ECHDC3: variants seen among roughly 807,000 people sequenced by gnomAD.
ECHDC3 encodes the protein enoyl-CoA hydratase domain containing 3.
Under a neutral mutation model 17.9 loss-of-function variants are expected in ECHDC3, and 20 were observed. The ratio of observed to expected loss-of-function variants is 1.12; its 90% CI spans 0.79 to 1.63. ECHDC3 has a LOEUF of 1.63. ECHDC3 is among the 40% of genes most tolerant of loss of function. The pLI is 0.00. For missense variants in ECHDC3, 407 were observed against 357.7 expected, an observed-to-expected ratio of 1.14 and a Z score of -1.11; for synonymous variants, 177 against 149.7, an observed-to-expected ratio of 1.18 and a Z score of -1.33.
chr10:11,751,600 C>CTAAAAACTA (rs2133790270), intron 3 of ECHDC3, among the ~76,000 whole-genome samples: 1 of 152,270 alleles, frequency 6.6e-6, no homozygotes, highest in East Asian at 1.9e-4. Flanking sequence ...AGCTAAGCAT[C>CTAAAAACTA]TAAAAACTAT....
rs552808690 is a variant in ECHDC3, at chr10:11,745,445, G to A, written c.171-1904G>A. On this transcript the variant is annotated intron_variant, in intron 1 of 4. Transcript: ENST00000379215. The stretch of plus-strand genomic sequence containing the variant: ...CTCCCACCACCCCCACCAAATATAA[G>A]TTTTGAAGTCTATCAGCAAATCAGT... Among the ~76,000 whole-genome samples, 9 of 152,296 alleles carry A rather than the reference G, an allele frequency of 5.9e-5. 1 individual carries two copies. The highest frequency in any genetic ancestry group is 1.9e-4 in the African/African-American group (8 of 41,556).
intron 4 of ECHDC3, among the ~76,000 whole-genome samples, chr10:11,757,887 C>A (rs1832901088): frequency 6.6e-6 from 1 of 152,188 alleles, no homozygotes; most frequent in African/African-American, 2.4e-5. Context: ...ATCTAATAAA[C>A]CTGACCCAAA....
intron 4 of ECHDC3, among the ~76,000 whole-genome samples, chr10:11,758,414 T>G (rs576594929): frequency 3.9e-5 from 6 of 152,266 alleles, no homozygotes; most frequent in African/African-American, 1.4e-4. Flanking sequence ...AGAACAGTCA[T>G]TTTCTTGAGG....
chr10:11,750,521 G>C (rs766504925), intron 3 of ECHDC3, among the ~76,000 whole-genome samples: 1 of 152,164 alleles, frequency 6.6e-6, no homozygotes, highest in South Asian at 2.1e-4. Context: ...AGGCACAAAA[G>C]TTTTGGATGA....
intron 4 of ECHDC3, among the ~76,000 whole-genome samples, chr10:11,760,066 C>T (rs1832930435): frequency 6.6e-6 from 1 of 152,226 alleles, no homozygotes; most frequent in African/African-American, 2.4e-5. Flanking sequence ...CAAGCAAAAT[C>T]TTCATAGTGA....
At chr10:11,751,754 A>G (rs1832827231) in intron 3 of ECHDC3, among the ~76,000 whole-genome samples, 1 of 152,246 alleles carries the variant, frequency 6.6e-6, no homozygotes, top group Non-Finnish European at 1.5e-5. Context: ...CGCTCAGGTT[A>G]GAGACTTCTT....
At chr10:11,755,101 A>G (rs1832869727) in intron 3 of ECHDC3, among the ~76,000 whole-genome samples, 1 of 152,156 alleles carries the variant, frequency 6.6e-6, no homozygotes, top group South Asian at 2.1e-4. Context: ...TGGGTGGATC[A>G]TTTGAGGTCA....
chr10:11,759,409 C>A (rs983527156), intron 4 of ECHDC3, among the ~76,000 whole-genome samples: 4 of 151,146 alleles, frequency 2.6e-5, no homozygotes, highest in Non-Finnish European at 5.9e-5. Flanking sequence ...AGCTGCCTTA[C>A]CCCCTTTTTC....
At chr10:11,743,494 C>G (rs1468513573) in intron 1 of ECHDC3, among the ~76,000 whole-genome samples, 1 of 152,224 alleles carries the variant, frequency 6.6e-6, no homozygotes. Context: ...CTTTTCTCCT[C>G]ACCCTCCTCT....
At chr10:11,761,362 C>G (rs971779245) in intron 4 of ECHDC3, among the ~76,000 whole-genome samples, 19 of 152,102 alleles carry the variant, frequency 1.2e-4, no homozygotes, top group Admixed American at 9.8e-4. Context: ...ACAGGACAGC[C>G]CCCACCCTCC....
intron 1 of ECHDC3, 160 bp downstream of exon 1, chr10:11,742,906 G>A: frequency 2.3e-6 from 2 of 871,170 alleles, no homozygotes; most frequent in Non-Finnish European, 3.0e-6. Context: ...AGACGCGCAG[G>A]TGGGATTGTA....
rs1832706251 is a variant in ECHDC3, at chr10:11,742,588, C to A, written c.12C>A (p.Val4=). 1.6e-6 allele frequency: 2 copies of A among 1,288,714 alleles called. No individual in the cohort carries two copies. The highest frequency in any genetic ancestry group is 1.5e-5 in the African/African-American group (1 of 64,722). 79.8% of individuals were successfully genotyped at this position (1,288,714 alleles called of 1,614,324 possible). Residue 4 remains valine (V), a synonymous_variant, in exon 1 of 5, where the codon GTC becomes GTA. Transcript: ENST00000379215. MAA[V]AVLRAFGASG... is the part of the protein sequence containing the mutation. The stretch of plus-strand genomic sequence containing the variant: ...CCATCCCGAATGCTATGGCCGCCGT[C>A]GCCGTCTTGCGGGCCTTCGGGGCAA...
In ECHDC3 at chr10:11,761,084, A is replaced by T. The variant is rs56338234; in HGVS notation, c.592-2140A>T. Among the ~76,000 whole-genome samples the T allele has an allele frequency of 2.0e-5, 3 of 151,982 alleles. No homozygotes were observed. The East Asian group carries it at 5.8e-4, about 29-fold the overall frequency. ...CCGTCCCTGGCTGCCAGCCCAGTGC[A>T]TGTGGGCTCCATCTCCACCCATGGT... is the stretch of plus-strand genomic sequence containing the variant. On this transcript the variant is annotated intron_variant, in intron 4 of 4. Transcript: ENST00000379215.
In ECHDC3 at chr10:11,763,323, G is replaced by T; in HGVS notation, c.691G>T (p.Glu231Ter). The T allele has an allele frequency of 1.3e-6, 1 of 780,272 alleles. No homozygotes were observed. Among genetic ancestry groups the T allele is most frequent in the South Asian group, 1.3e-5 (1 of 74,620 alleles). The allele number at this position is 780,272 out of a possible 1,614,324, so 48.3% of individuals were successfully genotyped here. Residue 231 changes from glutamate (E) to a stop codon, truncating the protein, a stop_gained, in exon 5 of 5, where the codon GAG becomes TAG. Transcript: ENST00000379215. LOFTEE classifies it high-confidence loss of function. This position sits in a 1 kb window ranked among gnomAD's most constrained non-coding sequence, Gnocchi z 4.9. ...SKVVPEAELQ[E>*]ETMRIARKIA... is the part of the protein sequence containing the mutation. ...GGTGGTGCCAGAGGCGGAGCTGCAG[G>T]AGGAGACCATGCGGATCGCTAGGAA...
rs1588460793 is a variant in ECHDC3 at position 11,742,433 on chromosome 10, C to T, written c.-144C>T. 7.6e-6 allele frequency: 6 copies of T among 786,588 alleles called. No homozygotes were observed. The highest frequency in any genetic ancestry group is 6.5e-5 in the South Asian group (1 of 15,450). The allele number at this position is 786,588 out of a possible 1,614,324, so 48.7% of individuals were successfully genotyped here. A position where few individuals can be genotyped will look rare whatever the true frequency, so the allele number is the denominator to read the frequency against. ...GCGTCCCCGCGAAGCCTGGGCCTGT[C>T]AGGCGGTTCCGTCCGGGTCTCGGCC... On this transcript the variant is annotated 5_prime_UTR_variant, in exon 1 of 5. Transcript: ENST00000379215.
intron 1 of ECHDC3, 44 bp downstream of exon 1, chr10:11,742,790 G>C: frequency 8.2e-7 from 1 of 1,223,986 alleles, no homozygotes; most frequent in African/African-American, 1.6e-5. Flanking sequence ...GTGCCGAGTC[G>C]GGGTCAGGGC....
Position 11,755,624 on chromosome 10 carries a change from C to T in ECHDC3, c.591+16C>T, listed in dbSNP as rs778863912. The T allele has an allele frequency of 6.3e-7, 1 of 1,596,010 alleles. No individual in the cohort carries two copies. Among genetic ancestry groups the T allele is most frequent in the Non-Finnish European group, 8.5e-7 (1 of 1,171,304 alleles). On this transcript the variant is annotated intron_variant, in intron 4 of 4. Transcript: ENST00000379215. ...GCCTAGAAAGGTAATTTAACTCCCC[C>T]CACCCACCTCTGCCTCCCAGCCTTC...
In ECHDC3 at chr10:11,742,546, G is replaced by C. The variant is rs961991173; in HGVS notation, c.-31G>C. ...GCACCTGCGGCCGGCCAGGCAGCGC[G>C]ATCCTGCGGCGTCTGGCCATCCCGA... is the stretch of plus-strand genomic sequence containing the variant. On this transcript the variant is annotated 5_prime_UTR_variant, in exon 1 of 5. Transcript: ENST00000379215. 4.8e-6 allele frequency: 6 copies of C among 1,256,396 alleles called. No individual in the cohort carries two copies. The South Asian group carries it at 1.7e-4, about 37-fold the overall frequency. The allele number at this position is 1,256,396 out of a possible 1,614,324, so 77.8% of individuals were successfully genotyped here.
At chr10:11,746,635 A>C (rs914864909) in intron 1 of ECHDC3, among the ~76,000 whole-genome samples, 1 of 152,044 alleles carries the variant, frequency 6.6e-6, no homozygotes, top group Non-Finnish European at 1.5e-5. Flanking sequence ...TACCCACAAA[A>C]ATTAAATATA....
Sources: allele counts gnomAD v4.1 joint callset (sites outside exome capture counted in the v4.1 genomes callset), GRCh38; gene constraint gnomAD v4.1.1; non-coding constraint Gnocchi (gnomAD v3.1); transcripts MANE v1.5; gene names NCBI Gene and HGNC (gene_info 2026-07-23, HGNC 2026-07-21).